MYRIP: variants seen among roughly 807,000 people sequenced by gnomAD.
MYRIP encodes myosin VIIA and Rab interacting protein.
Under a neutral mutation model 98.0 loss-of-function variants are expected in MYRIP, and 49 were observed. That is an observed-to-expected ratio of 0.50 (90% CI 0.40 to 0.63). MYRIP has a LOEUF of 0.63. MYRIP is among the 30% of genes least tolerant of loss of function. MYRIP has a pLI of 0.00. For missense variants in MYRIP, 1,004 were observed against 1,058.2 expected (o/e 0.95, Z 0.71); for synonymous variants, 404 against 409.5 (o/e 0.99, Z 0.16).
chr3:40,017,887 A>G (rs762501937), intron 2 of MYRIP, among the ~76,000 whole-genome samples: 5 of 152,136 alleles, frequency 3.3e-5, no homozygotes, highest in Non-Finnish European at 5.9e-5. Flanking sequence ...TCTTTTCACT[A>G]TTTAGCCTAA....
Position 40,116,360 on chromosome 3 carries a change from A to G in MYRIP, c.333-34688A>G, listed in dbSNP as rs79340038. On this transcript the variant is annotated intron_variant, in intron 3 of 16. Coordinates refer to ENST00000302541, the MANE Select transcript of MYRIP (RefSeq NM_015460.4). The stretch of plus-strand genomic sequence containing the variant: ...ATTGCCCCCCAACACACACACACCT[A>G]GCAGCATAAGACACATCTCTGATAC... 2.1e-3 allele frequency among the ~76,000 whole-genome samples: 314 copies of G among 152,324 alleles called. 4 individuals carry two copies. The highest frequency in any genetic ancestry group is 7.3e-3 in the African/African-American group (303 of 41,584).
At chr3:40,162,992 G>T (rs903296481) in intron 5 of MYRIP, 182 bp downstream of exon 5, 8 of 541,050 alleles carry the variant, frequency 1.5e-5, no homozygotes, top group Non-Finnish European at 2.6e-5. Context: ...ATCAAAATAG[G>T]TGAGTATATC....
At chr3:40,035,751 G>A (rs1057132453) in intron 2 of MYRIP, among the ~76,000 whole-genome samples, 9 of 151,898 alleles carry the variant, frequency 5.9e-5, no homozygotes, top group Middle Eastern at 3.4e-3. Flanking sequence ...GGTTATAAAA[G>A]AAGTATATTT....
At chr3:39,912,252 C>G (rs1015832168) in intron 2 of MYRIP, among the ~76,000 whole-genome samples, 1 of 152,162 alleles carries the variant, frequency 6.6e-6, no homozygotes, top group Non-Finnish European at 1.5e-5. Context: ...TCCTGCATAC[C>G]CAGCTGGATC....
At chr3:40,009,010 G>A (rs532586945) in intron 2 of MYRIP, among the ~76,000 whole-genome samples, 207 of 152,276 alleles carry the variant, frequency 1.4e-3, no homozygotes, top group African/African-American at 4.7e-3. Context: ...GAGGTGACAG[G>A]ACTTACTGTC....
chr3:39,872,262 T>A (rs540216600), intron 1 of MYRIP, among the ~76,000 whole-genome samples: 1 of 152,062 alleles, frequency 6.6e-6, no homozygotes, highest in East Asian at 1.9e-4. Flanking sequence ...GTCTGATTTT[T>A]CTTTCTTTCT....
At chr3:40,217,696 T>TA (rs979670993) in intron 11 of MYRIP, among the ~76,000 whole-genome samples, 9 of 152,078 alleles carry the variant, frequency 5.9e-5, no homozygotes, top group African/African-American at 1.9e-4. Flanking sequence ...CCATAAAGCA[T>TA]AAAAAAATGA....
chr3:40,075,110 C>T (rs940970874), intron 3 of MYRIP, among the ~76,000 whole-genome samples: 7 of 151,976 alleles, frequency 4.6e-5, no homozygotes, highest in African/African-American at 1.5e-4. Flanking sequence ...ATTAACAAAA[C>T]ATTTAAGTTT....
intron 2 of MYRIP, among the ~76,000 whole-genome samples, chr3:39,995,437 G>A (rs1946320696): frequency 6.6e-6 from 1 of 152,194 alleles, no homozygotes; most frequent in Admixed American, 6.5e-5. Flanking sequence ...AAGGGTATCA[G>A]TGATGGAAGA....
At chr3:40,256,936 A>G (rs1390726359) in intron 16 of MYRIP, among the ~76,000 whole-genome samples, 1 of 152,232 alleles carries the variant, frequency 6.6e-6, no homozygotes, top group Non-Finnish European at 1.5e-5. Flanking sequence ...ACAGGCACAT[A>G]CAGACACACA....
chr3:40,008,289 C>T (rs1946679371), intron 2 of MYRIP, among the ~76,000 whole-genome samples: 1 of 152,068 alleles, frequency 6.6e-6, no homozygotes, highest in African/African-American at 2.4e-5. Flanking sequence ...AAGCAAAGGA[C>T]AGAAATTTCA....
intron 2 of MYRIP, among the ~76,000 whole-genome samples, chr3:40,017,393 C>G (rs1946886963): frequency 6.6e-6 from 1 of 152,222 alleles, no homozygotes. Flanking sequence ...AATCCCTTTA[C>G]TGAACGCATG....
At chr3:40,087,936 TCTTGTG>T (rs1446730826) in intron 3 of MYRIP, among the ~76,000 whole-genome samples, 19 of 51,792 alleles carry the variant, frequency 3.7e-4, no homozygotes, top group Non-Finnish European at 9.7e-4. Flanking sequence ...TACACCATTG[TCTTGTG>T]TTTGTAAGTG....
chr3:39,830,361 A>G (rs1405356666), intron 1 of MYRIP, among the ~76,000 whole-genome samples: 1 of 152,186 alleles, frequency 6.6e-6, no homozygotes, highest in Non-Finnish European at 1.5e-5. Context: ...CATGAACCTC[A>G]GGTGGATCCT....
chr3:40,166,972 G>C, intron 6 of MYRIP, 29 bp downstream of exon 6: 1 of 1,555,966 alleles, frequency 6.4e-7, no homozygotes. Flanking sequence ...CTCTCTGTGG[G>C]GGGAGGTGTG....
intron 3 of MYRIP, among the ~76,000 whole-genome samples, chr3:40,087,642 C>A (rs1482780502): frequency 6.6e-6 from 1 of 152,134 alleles, no homozygotes; most frequent in African/African-American, 2.4e-5. Context: ...GTAGTGTTTG[C>A]CGATTTCCAC....
At chr3:39,969,301 G>A (rs1339385008) in intron 2 of MYRIP, among the ~76,000 whole-genome samples, 1 of 151,990 alleles carries the variant, frequency 6.6e-6, no homozygotes, top group Admixed American at 6.6e-5. Context: ...TTCCTATTTG[G>A]ATCCCCTTTA....
intron 1 of MYRIP, among the ~76,000 whole-genome samples, chr3:39,888,937 A>G (rs1027863109): frequency 2.0e-5 from 3 of 152,196 alleles, no homozygotes; most frequent in South Asian, 2.1e-4. Context: ...AATGCTCACC[A>G]TCACTGGCCA....
intron 2 of MYRIP, among the ~76,000 whole-genome samples, chr3:40,029,515 A>T (rs1322079049): frequency 3.9e-5 from 6 of 152,194 alleles, no homozygotes; most frequent in Non-Finnish European, 8.8e-5. Flanking sequence ...TCATGAACAG[A>T]TGTTTATGAT....
Sources: allele counts gnomAD v4.1 joint callset (sites outside exome capture counted in the v4.1 genomes callset), GRCh38; gene constraint gnomAD v4.1.1; transcripts MANE v1.5; gene names NCBI Gene and HGNC (gene_info 2026-07-23, HGNC 2026-07-21).